AKAP13: variants seen among roughly 807,000 people sequenced by gnomAD.
The protein encoded by AKAP13 is A-kinase anchoring protein 13.
In AKAP13, 80 loss-of-function variants were observed where a neutral mutation model predicts 264.5. The observed-to-expected ratio is 0.30, with a 90% confidence interval of 0.25 to 0.36. The LOEUF is 0.36. AKAP13 is among the 10% of genes least tolerant of loss of function. The pLI, the probability that AKAP13 is intolerant of heterozygous loss-of-function variation, is 1.00. For missense variants in AKAP13, 3,712 were observed against 3,435.2 expected (o/e 1.08, Z -2.01); for synonymous variants, 1,380 against 1,250.2 (o/e 1.10, Z -2.19).
At chr15:85,735,363 A>G (rs932421651) in intron 31 of AKAP13, among the ~76,000 whole-genome samples, 197 bp from the exon 32 acceptor site, 1 of 152,182 alleles carries the variant, frequency 6.6e-6, no homozygotes, top group Non-Finnish European at 1.5e-5. Flanking sequence ...GAGTAATAAT[A>G]CATGTTCCTG....
intron 5 of AKAP13, among the ~76,000 whole-genome samples, chr15:85,556,935 C>T (rs1410160005): frequency 6.6e-6 from 1 of 152,322 alleles, no homozygotes; most frequent in East Asian, 1.9e-4. Context: ...AGAATACATA[C>T]AGAGTAAATA....
At chr15:85,525,019 T>G (rs1476359824) in intron 3 of AKAP13, among the ~76,000 whole-genome samples, 1 of 151,898 alleles carries the variant, frequency 6.6e-6, no homozygotes, top group African/African-American at 2.4e-5. Flanking sequence ...AGAGGGCAGG[T>G]ACGTGGAGAC....
At chr15:85,479,054 T>C (rs1413375072) in intron 1 of AKAP13, among the ~76,000 whole-genome samples, 1 of 152,258 alleles carries the variant, frequency 6.6e-6, no homozygotes, top group Non-Finnish European at 1.5e-5. Flanking sequence ...AAAGCATTCA[T>C]GAGGGTCTTG....
intron 17 of AKAP13, among the ~76,000 whole-genome samples, chr15:85,707,361 A>G (rs1161505000): frequency 1.3e-5 from 2 of 152,196 alleles, no homozygotes; most frequent in African/African-American, 2.4e-5. Flanking sequence ...TTTCTGCTTT[A>G]TCTTTCAAGA....
At chr15:85,653,073 C>G (rs1486433132) in intron 10 of AKAP13, among the ~76,000 whole-genome samples, 1 of 152,190 alleles carries the variant, frequency 6.6e-6, no homozygotes, top group Non-Finnish European at 1.5e-5. Context: ...TTGTCCTTGT[C>G]CATGGAAAGT....
At chr15:85,616,065 T>TA (rs2080922722) in intron 8 of AKAP13, among the ~76,000 whole-genome samples, 1 of 152,232 alleles carries the variant, frequency 6.6e-6, no homozygotes, top group Non-Finnish European at 1.5e-5. Context: ...CACATGCTGC[T>TA]ACTTTATGTT....
intron 17 of AKAP13, among the ~76,000 whole-genome samples, chr15:85,698,242 CG>C (rs1362396793): frequency 6.7e-6 from 1 of 150,224 alleles, no homozygotes; most frequent in East Asian, 2.0e-4. Flanking sequence ...CTGAGGCTGG[CG>C]GATCACTTGA....
chr15:85,649,940 CA>C (rs1187710198), intron 10 of AKAP13, among the ~76,000 whole-genome samples: 7 of 152,032 alleles, frequency 4.6e-5, no homozygotes, highest in African/African-American at 1.7e-4. Flanking sequence ...AGAGGTAAAT[CA>C]AGGTCCTTCC....
chr15:85,550,649 C>G (rs1198783708), intron 5 of AKAP13, among the ~76,000 whole-genome samples: 2 of 152,198 alleles, frequency 1.3e-5, no homozygotes, highest in African/African-American at 4.8e-5. Flanking sequence ...TGGTGCAAAA[C>G]AAGTTTGGAG....
intron 1 of AKAP13, among the ~76,000 whole-genome samples, chr15:85,432,382 C>T (rs1260670762): frequency 2.0e-5 from 3 of 151,512 alleles, no homozygotes; most frequent in Non-Finnish European, 1.5e-5. Context: ...AAAAAAAAGT[C>T]GATTCAGTTT....
intron 2 of AKAP13, among the ~76,000 whole-genome samples, chr15:85,491,572 G>C (rs2075729537): frequency 6.8e-6 from 1 of 147,648 alleles, no homozygotes; most frequent in African/African-American, 2.5e-5. Flanking sequence ...TGGCTCTTAT[G>C]AGAGGACAGT....
intron 12 of AKAP13, among the ~76,000 whole-genome samples, chr15:85,662,773 A>G (rs778262851): frequency 2.0e-5 from 3 of 152,232 alleles, no homozygotes; most frequent in South Asian, 2.1e-4. Flanking sequence ...AAAACAATCA[A>G]AGAACCAAGG....
Position 85,581,703 on chromosome 15 carries a change from T to C in AKAP13, c.3635T>C (p.Val1212Ala). 1 of 1,614,042 alleles carries C rather than the reference T, an allele frequency of 6.2e-7. No individual in the cohort carries two copies. The change falls in exon 7 of 37, where the codon GTG (valine) becomes GCG (alanine). Residue 1212 changes from valine to alanine, a missense_variant. This residue lies in a region of AKAP13 where 2,759 missense variants were observed against 2,411.7 expected (regional missense o/e 1.14). Transcript: ENST00000394518. Reference sequence around the variant, plus strand: ...CATGATGATGGGGCCCCAGCTGGTGTGAGGGAAGTCATGCGAGCCCCGCCT... The same window carrying C: ...CATGATGATGGGGCCCCAGCTGGTGCGAGGGAAGTCATGCGAGCCCCGCCT... ...SAHDDGAPAG[V>A]REVMRAPPSG...
chr15:85,631,911 A>G (rs1456034991), intron 8 of AKAP13, among the ~76,000 whole-genome samples: 1 of 152,240 alleles, frequency 6.6e-6, no homozygotes, highest in African/African-American at 2.4e-5. Flanking sequence ...TTGGGAAACT[A>G]CAGGAAAGTT....
At chr15:85,701,038 ATC>A (rs1387315309) in intron 17 of AKAP13, 2 of 152,338 alleles carry the variant, frequency 1.3e-5, no homozygotes, top group African/African-American at 4.8e-5. Flanking sequence ...CTCAAAATAA[ATC>A]TGTACTGTTT....
intron 2 of AKAP13, among the ~76,000 whole-genome samples, chr15:85,508,397 C>A (rs145075289): frequency 2.0e-3 from 305 of 152,178 alleles, no homozygotes; most frequent in Non-Finnish European, 3.6e-3. Flanking sequence ...CCTGCCTCGG[C>A]CTCCCAAAGT....
intron 5 of AKAP13, among the ~76,000 whole-genome samples, chr15:85,569,216 G>A (rs1412028470): frequency 6.6e-6 from 1 of 152,112 alleles, no homozygotes; most frequent in African/African-American, 2.4e-5. Flanking sequence ...TGGAAGTGTT[G>A]GTGCAGAACT....
intron 1 of AKAP13, among the ~76,000 whole-genome samples, chr15:85,452,411 C>G (rs1464541552): frequency 6.6e-6 from 1 of 152,098 alleles, no homozygotes; most frequent in African/African-American, 2.4e-5. Context: ...TGTTGGAGAA[C>G]TGGTACAGTC....
intron 20 of AKAP13, 132 bp from the exon 21 acceptor site, chr15:85,717,158 A>T: frequency 1.8e-6 from 1 of 570,120 alleles, no homozygotes; most frequent in South Asian, 2.4e-5. Flanking sequence ...CCCCGACATA[A>T]GCAATTTGTC....
Sources: allele counts gnomAD v4.1 joint callset (sites outside exome capture counted in the v4.1 genomes callset), GRCh38; gene constraint gnomAD v4.1.1; regional missense constraint gnomAD v4.1.1; transcripts MANE v1.5; gene names NCBI Gene and HGNC (gene_info 2026-07-23, HGNC 2026-07-21).